FKTN: variants seen among roughly 807,000 people sequenced by gnomAD.
The protein encoded by FKTN is ribitol-5-phosphate transferase FKTN.
Under a neutral mutation model 58.6 loss-of-function variants are expected in FKTN, and 47 were observed. The ratio of observed to expected loss-of-function variants is 0.80; its 90% confidence interval spans 0.63 to 1.02. The LOEUF (loss-of-function observed/expected upper bound fraction) is 1.02, where lower values mean the gene tolerates loss of function less well. FKTN is among the 50% of genes least tolerant of loss of function. The pLI is 0.00. For synonymous variants in FKTN, 178 were observed against 191.9 expected (o/e 0.93, Z 0.60); for missense variants, 516 against 537.3 (o/e 0.96, Z 0.39).
chr9:105,611,583 A>G (rs1291316936), intron 7 of FKTN, among the ~76,000 whole-genome samples: 1 of 152,098 alleles, frequency 6.6e-6, no homozygotes, highest in African/African-American at 2.4e-5. Context: ...TCCCACTTAT[A>G]AAAACATGAA....
chr9:105,623,080 A>T (rs1359912373), intron 10 of FKTN: 2 of 152,114 alleles, frequency 1.3e-5, no homozygotes, highest in Admixed American at 1.3e-4. Context: ...AAAAGTGATG[A>T]ATATAATAAC....
chr9:105,586,729 A>G (rs1843976187), intron 3 of FKTN, among the ~76,000 whole-genome samples: 1 of 152,188 alleles, frequency 6.6e-6, no homozygotes, highest in Non-Finnish European at 1.5e-5. Flanking sequence ...GGTTGAGATA[A>G]TGTATGTGAT....
At chr9:105,599,994 T>C (rs1220977340) in intron 4 of FKTN, among the ~76,000 whole-genome samples, 1 of 152,048 alleles carries the variant, frequency 6.6e-6, no homozygotes, top group African/African-American at 2.4e-5. Context: ...GTTTCTTTAA[T>C]AGGTATAGGG....
chr9:105,609,390 C>A (rs1393678328), intron 7 of FKTN, among the ~76,000 whole-genome samples: 3 of 151,640 alleles, frequency 2.0e-5, no homozygotes, highest in Non-Finnish European at 4.4e-5. Context: ...ACCACAACTT[C>A]AAAAAATTTA....
intron 3 of FKTN, among the ~76,000 whole-genome samples, chr9:105,578,099 A>G (rs1217146676): frequency 6.6e-6 from 1 of 151,866 alleles, no homozygotes; most frequent in Non-Finnish European, 1.5e-5. Context: ...TAGATATACA[A>G]TCATGTCGTC....
chr9:105,570,736 G>GT (rs2131918522), intron 1 of FKTN, among the ~76,000 whole-genome samples: 1 of 152,172 alleles, frequency 6.6e-6, no homozygotes, highest in South Asian at 2.1e-4. Context: ...GACAGTAACT[G>GT]TTTATTTGTT....
At chr9:105,558,752 A>G (rs991424815) in intron 1 of FKTN, among the ~76,000 whole-genome samples, 1 of 152,202 alleles carries the variant, frequency 6.6e-6, no homozygotes, top group Non-Finnish European at 1.5e-5. Flanking sequence ...ATGATAGAGC[A>G]GTATATTAGA....
At chr9:105,622,705 G>A (rs936187779) in intron 10 of FKTN, among the ~76,000 whole-genome samples, 20 of 152,012 alleles carry the variant, frequency 1.3e-4, no homozygotes, top group Non-Finnish European at 2.8e-4. Flanking sequence ...TCTTCTTAGA[G>A]TTAATAGGTT....
Position 105,636,073 on chromosome 9 carries a change from A to T in FKTN, c.*809A>T, listed in dbSNP as rs548865059. 1 of 984,834 alleles carries T rather than the reference A, an allele frequency of 1.0e-6. No individual in the cohort carries two copies. Among genetic ancestry groups the T allele is most frequent in the Non-Finnish European group, 1.2e-6 (1 of 829,472 alleles). The allele number at this position is 984,834 out of a possible 1,614,324, so 61.0% of individuals were successfully genotyped here. ...ACTAGACATGATCTTGAAAGAGGCC[A>T]TGATTTCACAAAACTCATTTTTATT... On this transcript the variant is annotated 3_prime_UTR_variant, in exon 11 of 11. Transcript: ENST00000357998.
At position 105,620,056 on chromosome 9, in the gene FKTN, A is replaced by G; in HGVS notation, c.1167A>G (p.Lys389=). 1 of 1,611,182 alleles carries G rather than the reference A, an allele frequency of 6.2e-7. No individual in the cohort carries two copies. Among genetic ancestry groups the G allele is most frequent in the African/African-American group, 1.3e-5 (1 of 74,984 alleles). The change falls in exon 10 of 11, where the codon AAA becomes AAG. Residue 389 remains lysine, a synonymous_variant. Transcript: ENST00000357998. ...GCACTCAGGCCAAAACAGGAAAAAA[A>G]TTCAAGTATGAATCAAATAAGTACT... ...NGGTQAKTGK[K]FKYLFPKFTL...
At chr9:105,628,864 C>G (rs1833056969) in intron 10 of FKTN, among the ~76,000 whole-genome samples, 2 of 152,122 alleles carry the variant, frequency 1.3e-5, no homozygotes, top group Admixed American at 6.5e-5. Context: ...ACAGGAAAAA[C>G]CAACCAACAG....
intron 3 of FKTN, among the ~76,000 whole-genome samples, chr9:105,587,960 T>C (rs549936650): frequency 6.6e-6 from 1 of 152,276 alleles, no homozygotes; most frequent in East Asian, 1.9e-4. Flanking sequence ...GAATTGGCAA[T>C]GGTCAGTGTT....
intron 3 of FKTN, among the ~76,000 whole-genome samples, chr9:105,581,831 T>C (rs1243667640): frequency 7.2e-5 from 11 of 152,328 alleles, no homozygotes; most frequent in Middle Eastern, 3.4e-3. Context: ...TCCGTGGGCG[T>C]AGGACCCTCC....
At chr9:105,563,980 C>A (rs1195549903) in intron 1 of FKTN, among the ~76,000 whole-genome samples, 3 of 152,246 alleles carry the variant, frequency 2.0e-5, no homozygotes, top group Admixed American at 1.3e-4. Flanking sequence ...CAGGCAGCAA[C>A]ATTTGCTGTT....
intron 10 of FKTN, among the ~76,000 whole-genome samples, chr9:105,629,829 G>T (rs1297052105): frequency 6.6e-6 from 1 of 152,150 alleles, no homozygotes; most frequent in African/African-American, 2.4e-5. Context: ...TTAAGAAAAT[G>T]TGGCACATAT....
At chr9:105,604,526 G>T in intron 6 of FKTN, 34 bp downstream of exon 6, 1 of 1,569,372 alleles carries the variant, frequency 6.4e-7, no homozygotes. Context: ...AATGTGAAAT[G>T]AGTGTTGTTC....
intron 10 of FKTN, among the ~76,000 whole-genome samples, chr9:105,621,386 C>T (rs927724612): frequency 6.6e-6 from 1 of 151,932 alleles, no homozygotes; most frequent in Non-Finnish European, 1.5e-5. Context: ...ACTACTATTC[C>T]TTGGGGATGA....
chr9:105,561,994 C>G (rs1838383358), intron 1 of FKTN, among the ~76,000 whole-genome samples: 1 of 150,528 alleles, frequency 6.6e-6, no homozygotes, highest in African/African-American at 2.4e-5. Flanking sequence ...GCCTGCCAAT[C>G]TGCTACATCA....
At chr9:105,559,520 TA>T (rs1244956670) in intron 1 of FKTN, among the ~76,000 whole-genome samples, 9 of 151,918 alleles carry the variant, frequency 5.9e-5, no homozygotes, top group Non-Finnish European at 1.3e-4. Context: ...CTATCTCTAC[TA>T]AAAATACAAC....
Sources: allele counts gnomAD v4.1 joint callset (sites outside exome capture counted in the v4.1 genomes callset), GRCh38; gene constraint gnomAD v4.1.1; transcripts MANE v1.5; gene names NCBI Gene and HGNC (gene_info 2026-07-23, HGNC 2026-07-21).